DDX18: variants seen among roughly 807,000 people sequenced by gnomAD.
DDX18 encodes DEAD-box helicase 18.
Under a neutral mutation model 73.5 loss-of-function variants are expected in DDX18, and 23 were observed. That is an observed-to-expected ratio of 0.31 (90% CI 0.23 to 0.44). The LOEUF is 0.44. Among genes scored for constraint, DDX18 ranks in the 20% least tolerant of loss-of-function variants. DDX18 has a pLI of 1.00. For synonymous variants in DDX18, 268 were observed against 282.7 expected (o/e 0.95, Z 0.52); for missense variants, 753 against 792.9 (o/e 0.95, Z 0.60).
chr2:117,828,688 T>C, intron 11 of DDX18: 1 of 409,342 alleles, frequency 2.4e-6, no homozygotes, highest in Non-Finnish European at 4.5e-6. Context: ...GTCAGGATTA[T>C]AGAGATTCTT....
intron 1 of DDX18, chr2:117,815,087 T>TA: frequency 5.2e-6 from 3 of 574,776 alleles, no homozygotes; most frequent in South Asian, 2.1e-5. Flanking sequence ...AGTGTCTTCT[T>TA]ACAACGTTAG....
intron 13 of DDX18, among the ~76,000 whole-genome samples, chr2:117,830,164 G>A (rs574454854): frequency 9.9e-5 from 15 of 152,270 alleles, no homozygotes; most frequent in East Asian, 7.7e-4. Context: ...AATGTATGTC[G>A]AGTCCTGTGG....
At chr2:117,819,924 A>G in intron 3 of DDX18, 132 bp downstream of exon 3, 1 of 807,942 alleles carries the variant, frequency 1.2e-6, no homozygotes, top group Non-Finnish European at 1.7e-6. Flanking sequence ...AACTTTTTTT[A>G]TATCTTTCTG....
rs1351394335 is a variant in DDX18 at position 117,817,733 on chromosome 2, G to T, written c.370+5G>T. ...TGGTGAATGATGCTGAGCCTGGTAG[G>T]TATTTATTATCTTTGAACTTCAGCC... On this transcript the variant is annotated splice_donor_5th_base_variant and intron_variant, in intron 2 of 13. Coordinates refer to ENST00000263239, the MANE Select transcript of DDX18 (RefSeq NM_006773.4). 4 of 1,583,834 alleles carry T rather than the reference G, an allele frequency of 2.5e-6. No individual in the cohort carries two copies. The highest frequency in any genetic ancestry group is 3.4e-6 in the Non-Finnish European group (4 of 1,170,508).
At chr2:117,830,473 A>AT in intron 13 of DDX18, 109 bp from the exon 14 acceptor site, 1 of 1,290,926 alleles carries the variant, frequency 7.7e-7, no homozygotes, top group African/African-American at 1.5e-5. Context: ...ATTGTTGAGA[A>AT]TGGGGTTGTG....
intron 1 of DDX18, among the ~76,000 whole-genome samples, chr2:117,816,946 T>A (rs1484692748): frequency 2.0e-5 from 3 of 152,346 alleles, no homozygotes; most frequent in East Asian, 1.9e-4. Context: ...ATGATAAATA[T>A]TGGAGCAAAT....
chr2:117,816,811 AT>A (rs1424221482), intron 1 of DDX18, among the ~76,000 whole-genome samples: 5 of 152,234 alleles, frequency 3.3e-5, no homozygotes, highest in African/African-American at 1.2e-4. Context: ...GCACTACGAC[AT>A]TGCAGTTACT....
rs1256875562 is a variant in DDX18 at position 117,822,269 on chromosome 2, G to A, written c.1066+8G>A. ...TTATTAAACTTTTGCCAAGTAAGTA[G>A]GTAGCATCTGCATTTGGTTTGCAAA... On this transcript the variant is annotated splice_region_variant and intron_variant, in intron 7 of 13. Transcript: ENST00000263239. 23 of 1,600,254 alleles carry A rather than the reference G, an allele frequency of 1.4e-5. No homozygotes were observed. Among genetic ancestry groups the A allele is most frequent in the Non-Finnish European group, 1.9e-5 (22 of 1,169,774 alleles).
rs1361588155 is a variant in DDX18, at chr2:117,824,988, T to G, written c.1255T>G (p.Phe419Val). 1 of 1,613,920 alleles carries G rather than the reference T, an allele frequency of 6.2e-7. No homozygotes were observed. Among genetic ancestry groups the G allele is most frequent in the Admixed American group, 1.7e-5 (1 of 59,968 alleles). ...SEKRFLLLFT[F>V]LKKNRKKKLM... Reference sequence around the variant, plus strand: ...AAAGAGATTCCTTCTGCTCTTTACATTCCTTAAGAAGAACCGAAAGAAGAA... The same window carrying G: ...AAAGAGATTCCTTCTGCTCTTTACAGTCCTTAAGAAGAACCGAAAGAAGAA... The change falls in exon 9 of 14, where the codon TTC (phenylalanine) becomes GTC (valine). Residue 419 changes from phenylalanine to valine, a missense_variant. By Grantham distance (50) the Phe-to-Val change is conservative (BLOSUM62 -1). Around this residue, in one of 3 missense-constraint regions of DDX18, gnomAD observed 402 missense variants for 419.4 expected, o/e 0.96. Coordinates refer to ENST00000263239, the MANE Select transcript of DDX18 (RefSeq NM_006773.4).
intron 1 of DDX18, 101 bp downstream of exon 1, chr2:117,814,963 T>A (rs1350916786): frequency 8.3e-7 from 1 of 1,204,196 alleles, no homozygotes; most frequent in African/African-American, 1.5e-5. Flanking sequence ...GGAGGCAGCT[T>A]CCCCTGCAGC....
At chr2:117,814,910 C>T (rs1407280642) in intron 1 of DDX18, 48 bp downstream of exon 1, 1 of 1,605,316 alleles carries the variant, frequency 6.2e-7, no homozygotes, top group African/African-American at 1.3e-5. Flanking sequence ...CGCGCGAGCC[C>T]TGGCGCGTTC....
Position 117,814,702 on chromosome 2 carries a change from G to A in DDX18, c.-76G>A. 5 of 1,476,146 alleles carry A rather than the reference G, an allele frequency of 3.4e-6. No individual in the cohort carries two copies. Among genetic ancestry groups the A allele is most frequent in the Non-Finnish European group, 4.7e-6 (5 of 1,069,426 alleles). 91.4% of individuals were successfully genotyped at this position (1,476,146 alleles called of 1,614,324 possible). On this transcript the variant is annotated 5_prime_UTR_variant, in exon 1 of 14. Coordinates refer to ENST00000263239, the MANE Select transcript of DDX18 (RefSeq NM_006773.4). Reference sequence around the variant, plus strand: ...TGGCCGAGCTGCGCACGTGCGGCCGGAAGGGAAGTAACGTCAGCCTGAGAA... The same window carrying A: ...TGGCCGAGCTGCGCACGTGCGGCCGAAAGGGAAGTAACGTCAGCCTGAGAA...
intron 2 of DDX18, among the ~76,000 whole-genome samples, chr2:117,819,277 T>C (rs1679806696): frequency 6.6e-6 from 1 of 152,182 alleles, no homozygotes; most frequent in Non-Finnish European, 1.5e-5. Context: ...CTATCTCTAG[T>C]AACATGAAGA....
At chr2:117,824,376 TTCATC>T (rs1679890581) in intron 7 of DDX18, 188 bp from the exon 8 acceptor site, 1 of 444,036 alleles carries the variant, frequency 2.3e-6, no homozygotes, top group Non-Finnish European at 3.7e-6. Context: ...GTTTGTCCAT[TTCATC>T]TAAGTCCTCA....
rs187619593 is a variant in DDX18, at chr2:117,824,931, G to C, written c.1207-9G>C. 1 of 1,597,686 alleles carries C rather than the reference G, an allele frequency of 6.3e-7. No homozygotes were observed. Among genetic ancestry groups the C allele is most frequent in the African/African-American group, 1.4e-5 (1 of 73,644 alleles). On this transcript the variant is annotated splice_polypyrimidine_tract_variant and intron_variant, in intron 8 of 13. Coordinates refer to ENST00000263239, the MANE Select transcript of DDX18 (RefSeq NM_006773.4). Reference sequence around the variant, plus strand: ...TTCATTTGTATCTGTCTGCTTAAACGCTTTCTAGGGATATGTTGTTTGTCC... The same window carrying C: ...TTCATTTGTATCTGTCTGCTTAAACCCTTTCTAGGGATATGTTGTTTGTCC...
Position 117,830,615 on chromosome 2 carries a change from G to A in DDX18, c.1904G>A (p.Arg635Gln), listed in dbSNP as rs1573414994. ...VNSNEGKQKK[R>Q]GGGGGFGYQK... is the part of the protein sequence containing the mutation. ...AGTAATGAAGGCAAGCAGAAAAAGCGAGGAGGTGGTGGTGGATTTGGCTAC... is the reference window on the plus strand; with the variant it reads ...AGTAATGAAGGCAAGCAGAAAAAGCAAGGAGGTGGTGGTGGATTTGGCTAC... Residue 635 changes from arginine (R) to glutamine (Q), a missense_variant, in exon 14 of 14, where the codon CGA (arginine) becomes CAA (glutamine). Transcript: ENST00000263239. The A allele has an allele frequency of 1.9e-5, 31 of 1,613,834 alleles. No homozygotes were observed. Among genetic ancestry groups the A allele is most frequent in the Middle Eastern group, 1.7e-4 (1 of 6,052 alleles).
At chr2:117,819,890 T>G in intron 3 of DDX18, 98 bp downstream of exon 3, 4 of 1,210,484 alleles carry the variant, frequency 3.3e-6, no homozygotes, top group Non-Finnish European at 4.3e-6. Flanking sequence ...TCAGTTTACC[T>G]GAAAAAAGTA....
intron 4 of DDX18, 59 bp from the exon 5 acceptor site, chr2:117,821,591 G>A: frequency 6.4e-7 from 1 of 1,568,170 alleles, no homozygotes; most frequent in Non-Finnish European, 8.8e-7. Flanking sequence ...GTGTGTGTAT[G>A]TAGTACGTCG....
rs528581080 is a variant in DDX18, at chr2:117,826,006, C to T, written c.1522-263C>T. ...ACACATAATACTCATTTTATTAGATCGCTGTTAATGCAAACATCATGTCCA... is the reference window on the plus strand; with the variant it reads ...ACACATAATACTCATTTTATTAGATTGCTGTTAATGCAAACATCATGTCCA... On this transcript the variant is annotated intron_variant, in intron 10 of 13. Coordinates refer to ENST00000263239, the MANE Select transcript of DDX18 (RefSeq NM_006773.4). 1.0e-4 allele frequency: 41 copies of T among 392,146 alleles called. No homozygotes were observed. In the South Asian group the frequency reaches 2.5e-3, roughly 24 times the overall value. The allele number at this position is 392,146 out of a possible 1,614,324, so 24.3% of individuals were successfully genotyped here. A position where few individuals can be genotyped will look rare whatever the true frequency, so the allele number is the denominator to read the frequency against.
Sources: allele counts gnomAD v4.1 joint callset (sites outside exome capture counted in the v4.1 genomes callset), GRCh38; gene constraint gnomAD v4.1.1; regional missense constraint gnomAD v4.1.1; transcripts MANE v1.5; gene names NCBI Gene and HGNC (gene_info 2026-07-23, HGNC 2026-07-21).